Variants in EGFR observed in about 807,000 individuals in gnomAD.
The protein encoded by EGFR is avian erythroblastic leukemia viral (v-erb-b) oncogene homolog.
EGFR carries 58 observed loss-of-function variants against 143.0 expected under a neutral mutation model. That is an observed-to-expected ratio of 0.41 (90% confidence interval 0.33 to 0.50). The LOEUF is 0.50. EGFR is among the 20% of genes least tolerant of loss of function. The probability of loss-of-function intolerance (pLI) is 0.39; values close to 1 mark genes in which losing one functional copy is unlikely to be tolerated. For synonymous variants in EGFR, 613 were observed against 594.4 expected (o/e 1.03, Z -0.45); for missense variants, 1,307 against 1,579.0 (o/e 0.83, Z 2.92).
intron 15 of EGFR, among the ~76,000 whole-genome samples, chr7:55,167,993 A>G (rs1285248678): frequency 6.6e-6 from 1 of 152,214 alleles, no homozygotes; most frequent in East Asian, 1.9e-4. Flanking sequence ...TAGTTAAGGA[A>G]GTACTCACCT....
intron 1 of EGFR, among the ~76,000 whole-genome samples, chr7:55,063,809 A>T (rs1789341119): frequency 1.3e-5 from 2 of 152,238 alleles, no homozygotes; most frequent in Non-Finnish European, 1.5e-5. Context: ...AGTGCGCTCC[A>T]CAGCTTGAGG....
rs1028977414 is a variant in EGFR at position 55,200,776 on chromosome 7, A to G, written c.2946+363A>G. The G allele has an allele frequency of 1.2e-5, 6 of 482,532 alleles. No individual in the cohort carries two copies. In the Admixed American group the frequency reaches 1.7e-4, roughly 14 times the overall value. 29.9% of individuals were successfully genotyped at this position (482,532 alleles called of 1,614,324 possible). A position where few individuals can be genotyped will look rare whatever the true frequency, so the allele number is the denominator to read the frequency against. ...GACTCTCCACTTCTTCGCATCACCC[A>G]GGCAGCCGATCCACCTATCTCCTTC... is the stretch of plus-strand genomic sequence containing the variant. On this transcript the variant is annotated intron_variant, in intron 24 of 27. Coordinates refer to ENST00000275493, the MANE Select transcript of EGFR (RefSeq NM_005228.5).
intron 1 of EGFR, among the ~76,000 whole-genome samples, chr7:55,138,441 T>G (rs967518832): frequency 1.3e-5 from 2 of 152,248 alleles, no homozygotes; most frequent in South Asian, 4.1e-4. Flanking sequence ...ATAAATATTT[T>G]TATGTAATCC....
At position 55,021,313 on chromosome 7, in the gene EGFR, C is replaced by A. The variant is rs537005621; in HGVS notation, c.88+1948C>A. Among the ~76,000 whole-genome samples, 4 of 152,330 alleles carry A rather than the reference C, an allele frequency of 2.6e-5. No homozygotes were observed. In the East Asian group the frequency reaches 7.7e-4, roughly 29 times the overall value. On this transcript the variant is annotated intron_variant, in intron 1 of 27. Transcript: ENST00000275493. ...GCCGGTCCTGTTAGTCAGGTGTCAG[C>A]CCTGTCTCTGCCGAAGAGACTCTTC...
chr7:55,040,209 C>T (rs1787821407), intron 1 of EGFR, among the ~76,000 whole-genome samples: 1 of 152,136 alleles, frequency 6.6e-6, no homozygotes, highest in South Asian at 2.1e-4. Context: ...AGGAGGATCC[C>T]CCACCCGCAG....
chr7:55,095,000 A>G (rs1485743124), intron 1 of EGFR, among the ~76,000 whole-genome samples: 1 of 152,206 alleles, frequency 6.6e-6, no homozygotes, highest in South Asian at 2.1e-4. Flanking sequence ...GCCTTATGTC[A>G]GGGCTCTCTT....
rs183155739 is a variant in EGFR, at chr7:55,110,466, G to T, written c.89-31820G>T. Among the ~76,000 whole-genome samples, 36 of 152,294 alleles carry T rather than the reference G, an allele frequency of 2.4e-4. No homozygotes were observed. In the East Asian group the frequency reaches 6.6e-3, roughly 28 times the overall value. ...TCCCACCCCACACACTGGGAAAGGC[G>T]GACAGAGGCTGGGCAAAGCCCCCAA... On this transcript the variant is annotated intron_variant, in intron 1 of 27. Coordinates refer to ENST00000275493, the MANE Select transcript of EGFR (RefSeq NM_005228.5).
intron 1 of EGFR, among the ~76,000 whole-genome samples, chr7:55,131,915 G>C (rs1275874863): frequency 6.7e-6 from 1 of 149,154 alleles, no homozygotes; most frequent in Non-Finnish European, 1.5e-5. Context: ...AAAGGGACAA[G>C]CGCAGGGAGC....
At chr7:55,066,223 T>C (rs1235541189) in intron 1 of EGFR, among the ~76,000 whole-genome samples, 1 of 152,228 alleles carries the variant, frequency 6.6e-6, no homozygotes, top group Non-Finnish European at 1.5e-5. Context: ...AACTACAGCC[T>C]ACATTTTTAA....
intron 1 of EGFR, among the ~76,000 whole-genome samples, chr7:55,097,600 C>T (rs748365741): frequency 6.6e-6 from 1 of 152,178 alleles, no homozygotes; most frequent in Non-Finnish European, 1.5e-5. Context: ...AACATTTTGT[C>T]TCATTTGTGC....
chr7:55,188,402 G>T (rs527711785), intron 20 of EGFR, among the ~76,000 whole-genome samples: 5 of 152,130 alleles, frequency 3.3e-5, no homozygotes, highest in Non-Finnish European at 7.3e-5. Context: ...GGGGTACCCT[G>T]CCAGAATAAG....
chr7:55,174,954 C>A (rs2128955139), intron 19 of EGFR, 134 bp downstream of exon 19: 1 of 736,280 alleles, frequency 1.4e-6, no homozygotes, highest in South Asian at 1.5e-5. Context: ...ATGTCTTTCC[C>A]TTTCTAGCTC....
At chr7:55,173,147 C>G (rs1183553138) in intron 17 of EGFR, 23 bp downstream of exon 17, 1 of 1,605,658 alleles carries the variant, frequency 6.2e-7, no homozygotes, top group Non-Finnish European at 8.5e-7. Context: ...CCTGGGTGGG[C>G]TCAGGAGCCC....
At chr7:55,064,299 A>G (rs1789372659) in intron 1 of EGFR, among the ~76,000 whole-genome samples, 1 of 152,242 alleles carries the variant, frequency 6.6e-6, no homozygotes, top group African/African-American at 2.4e-5. Context: ...CTAGAAGCCA[A>G]TTATGCAAGC....
chr7:55,079,977 T>G (rs767432724), intron 1 of EGFR, among the ~76,000 whole-genome samples: 6 of 152,248 alleles, frequency 3.9e-5, no homozygotes, highest in Admixed American at 2.6e-4. Flanking sequence ...CCAGGCTCTT[T>G]TGCTGAATAA....
intron 1 of EGFR, among the ~76,000 whole-genome samples, chr7:55,022,791 T>A (rs1786652191): frequency 6.6e-6 from 1 of 152,232 alleles, no homozygotes; most frequent in Non-Finnish European, 1.5e-5. Context: ...TCATAACTCA[T>A]GATTTTTCAA....
chr7:55,073,703 A>C (rs759415113), intron 1 of EGFR, among the ~76,000 whole-genome samples: 6 of 152,208 alleles, frequency 3.9e-5, no homozygotes, highest in Non-Finnish European at 7.3e-5. Context: ...TTCTTTCTGG[A>C]GTCCCCTGAA....
chr7:55,102,155 C>A (rs1791872180), intron 1 of EGFR, among the ~76,000 whole-genome samples: 1 of 152,180 alleles, frequency 6.6e-6, no homozygotes, highest in Admixed American at 6.5e-5. Context: ...GTGACCCACC[C>A]CCACTCATCA....
intron 27 of EGFR, 23 bp downstream of exon 27, chr7:55,202,648 G>A: frequency 6.3e-7 from 1 of 1,595,584 alleles, no homozygotes; most frequent in Non-Finnish European, 8.5e-7. Context: ...TCTGGAAACA[G>A]TCCTGCTCCT....
Sources: allele counts gnomAD v4.1 joint callset (sites outside exome capture counted in the v4.1 genomes callset), GRCh38; gene constraint gnomAD v4.1.1; transcripts MANE v1.5; gene names NCBI Gene and HGNC (gene_info 2026-07-23, HGNC 2026-07-21).